Variants in NPHP3 observed in about 807,000 individuals in gnomAD.
The protein encoded by NPHP3 is nephrocystin-3.
Under a neutral mutation model 171.9 loss-of-function variants are expected in NPHP3, and 123 were observed. The observed-to-expected ratio is 0.72, with a 90% CI of 0.62 to 0.83. The LOEUF is 0.83. Among genes scored for constraint, NPHP3 ranks in the 40% least tolerant of loss-of-function variants. The pLI, the probability that NPHP3 is intolerant of heterozygous loss-of-function variation, is 0.00. For synonymous variants in NPHP3, 558 were observed against 579.2 expected, an observed-to-expected ratio of 0.96 and a Z score of 0.52; for missense variants, 1,506 against 1,591.9, an observed-to-expected ratio of 0.95 and a Z score of 0.92.
chr3:132,684,398 A>C (rs566426512), intron 24 of NPHP3, among the ~76,000 whole-genome samples, 156 bp downstream of exon 24: 1 of 152,344 alleles, frequency 6.6e-6, no homozygotes, highest in East Asian at 1.9e-4. Flanking sequence ...AATTATTTTT[A>C]AATGTTCTGC....
intron 22 of NPHP3, among the ~76,000 whole-genome samples, chr3:132,686,934 C>A (rs1251942926): frequency 1.3e-5 from 2 of 152,082 alleles, no homozygotes; most frequent in Non-Finnish European, 2.9e-5. Flanking sequence ...CAAAATCTAA[C>A]CTTCAAATGA....
At chr3:132,713,064 G>T in intron 6 of NPHP3, 62 bp downstream of exon 6, 3 of 838,990 alleles carry the variant, frequency 3.6e-6, no homozygotes, top group Non-Finnish European at 5.4e-6. Context: ...AAGCTTATTT[G>T]GCAAACTCAA....
Position 132,697,268 on chromosome 3 carries a change from T to C in NPHP3, c.2080A>G (p.Lys694Glu), listed in dbSNP as rs374742856. The C allele has an allele frequency of 3.9e-5, 63 of 1,599,424 alleles. No individual in the cohort carries two copies. Among genetic ancestry groups the C allele is most frequent in the Non-Finnish European group, 5.0e-5 (58 of 1,167,966 alleles). Residue 694 changes from lysine to glutamate, a missense_variant, in exon 14 of 27, where the codon AAA (lysine) becomes GAA (glutamate). Lys to Glu is a moderately conservative substitution (Grantham distance 56). Around this residue, in one of 3 missense-constraint regions of NPHP3, gnomAD observed 930 missense variants for 924.9 expected, o/e 1.01. Transcript: ENST00000337331. ...ECHSVDIKLS[K>E]EQEKKLERHC... ...AAATGAAAAATACACACCTGCTCTT[T>C]ACTCAATTTAATGTCTACAGAGTGG...
At chr3:132,708,731 CAGG>C (rs1298754322) in intron 6 of NPHP3, among the ~76,000 whole-genome samples, 2 of 152,148 alleles carry the variant, frequency 1.3e-5, no homozygotes, top group East Asian at 3.8e-4. Flanking sequence ...ACTGCTTTTC[CAGG>C]AGTTCTTTTT....
At chr3:132,689,860 A>T (rs1368991470) in intron 19 of NPHP3, among the ~76,000 whole-genome samples, 3 of 152,200 alleles carry the variant, frequency 2.0e-5, no homozygotes, top group East Asian at 1.9e-4. Flanking sequence ...ATTGGAATGG[A>T]GATCAGAAAT....
chr3:132,689,173 C>G lies in NPHP3; in HGVS notation c.2784G>C (p.Gln928His). 1 of 1,614,142 alleles carries G rather than the reference C, an allele frequency of 6.2e-7. No individual in the cohort carries two copies. Among genetic ancestry groups the G allele is most frequent in the Non-Finnish European group, 8.5e-7 (1 of 1,179,976 alleles). Residue 928 changes from glutamine to histidine, a missense_variant, in exon 20 of 27, where the codon CAG (glutamine) becomes CAC (histidine). Around this residue, in one of 3 missense-constraint regions of NPHP3, gnomAD observed 569 missense variants for 648.1 expected, o/e 0.88. Transcript: ENST00000337331. ...CCTCGCCTTCGCAGTTTTTCTCATA[C>G]TGCTTCAATGAATCGAAGTATTCTG... is the stretch of plus-strand genomic sequence containing the variant. ...MATEYFDSLKQYEKNCEGEDN... is the reference protein window; with the variant it reads ...MATEYFDSLKHYEKNCEGEDN...
intron 9 of NPHP3, among the ~76,000 whole-genome samples, chr3:132,702,796 T>C (rs577143885): frequency 2.0e-5 from 3 of 152,350 alleles, no homozygotes; most frequent in South Asian, 2.1e-4. Context: ...ATAGAAATGA[T>C]ACTTCTGAAG....
intron 5 of NPHP3, among the ~76,000 whole-genome samples, chr3:132,713,630 G>A (rs769428864): frequency 6.6e-6 from 1 of 152,002 alleles, no homozygotes; most frequent in Non-Finnish European, 1.5e-5. Context: ...GTCATAAAGA[G>A]TGCAAAATAT....
chr3:132,685,644 C>A (rs1019655757), intron 23 of NPHP3: 1 of 152,310 alleles, frequency 6.6e-6, no homozygotes, highest in African/African-American at 2.4e-5. Context: ...ACATTATTTA[C>A]CATTAGTCCC....
chr3:132,717,752 C>CTTTTTTTTTTTT (rs959757847), intron 3 of NPHP3, among the ~76,000 whole-genome samples: 25 of 81,258 alleles, frequency 3.1e-4, no homozygotes, highest in South Asian at 5.1e-4. Flanking sequence ...CATTAAGAAT[C>CTTTTTTTTTTTT]TTTTTTTTTT....
chr3:132,712,936 T>C (rs1939953535), intron 6 of NPHP3, among the ~76,000 whole-genome samples, 190 bp downstream of exon 6: 1 of 152,168 alleles, frequency 6.6e-6, no homozygotes, highest in African/African-American at 2.4e-5. Context: ...ATATGACCTA[T>C]GAAACAAGTC....
chr3:132,699,289 A>G lies in NPHP3; in HGVS notation c.1985+64T>C, dbSNP rs1387960820. 5.2e-6 allele frequency: 6 copies of G among 1,161,042 alleles called. No homozygotes were observed. In the Admixed American group the frequency reaches 1.1e-4, roughly 21 times the overall value. The allele number at this position is 1,161,042 out of a possible 1,614,324, so 71.9% of individuals were successfully genotyped here. The stretch of plus-strand genomic sequence containing the variant: ...TGAAAACCATAAATGCATATTAAAA[A>G]TCTTTCCTTGTTTGTACTTAAAACA... On this transcript the variant is annotated intron_variant, in intron 13 of 26. Transcript: ENST00000337331.
chr3:132,719,149 A>G lies in NPHP3; in HGVS notation c.520-5T>C, dbSNP rs767349745. ...TTCTTTGGTCTCCCTAAAAATCTTT[A>G]AAAAGAATAATTTTAATGTTGAAAG... On this transcript the variant is annotated splice_polypyrimidine_tract_variant and splice_region_variant and intron_variant, in intron 2 of 26. Coordinates refer to ENST00000337331, the MANE Select transcript of NPHP3 (RefSeq NM_153240.5). 3.8e-6 allele frequency: 6 copies of G among 1,595,824 alleles called. No individual in the cohort carries two copies. The African/African-American group carries it at 8.1e-5, about 22-fold the overall frequency.
At chr3:132,719,359 T>G (rs952318838) in intron 2 of NPHP3, among the ~76,000 whole-genome samples, 2 of 152,204 alleles carry the variant, frequency 1.3e-5, no homozygotes, top group African/African-American at 4.8e-5. Context: ...GGTGTGGGTC[T>G]GTCATGTGCA....
intron 2 of NPHP3, 87 bp from the exon 3 acceptor site, chr3:132,719,231 T>C: frequency 9.8e-7 from 1 of 1,018,262 alleles, no homozygotes; most frequent in African/African-American, 1.6e-5. Flanking sequence ...ATTTCATTCA[T>C]AAAACCAATA....
chr3:132,698,594 A>G (rs1202181030), intron 13 of NPHP3, among the ~76,000 whole-genome samples: 2 of 152,004 alleles, frequency 1.3e-5, no homozygotes, highest in East Asian at 3.9e-4. Context: ...TACTTTTTAA[A>G]GAACCATTAA....
Position 132,691,234 on chromosome 3 carries a change from G to A in NPHP3, c.2528C>T (p.Ser843Leu). 2 of 1,613,442 alleles carry A rather than the reference G, an allele frequency of 1.2e-6. No individual in the cohort carries two copies. Among genetic ancestry groups the A allele is most frequent in the Non-Finnish European group, 1.7e-6 (2 of 1,179,526 alleles). ...ATAGTTGATTAGCTTTTGCCTGTAT[G>A]AAGAAGTAACAGTGGGGCCTTCCAG... ...EYLEGPTVTS[S>L]YRQKLINYFT... is the part of the protein sequence containing the mutation. Residue 843 changes from serine (S) to leucine (L), a missense_variant, in exon 18 of 27, where the codon TCA (serine) becomes TTA (leucine). By Grantham distance (145) the Ser-to-Leu change is moderately radical. This residue lies in a region of NPHP3 where 569 missense variants were observed against 648.1 expected (regional missense o/e 0.88). Transcript: ENST00000337331.
intron 6 of NPHP3, among the ~76,000 whole-genome samples, chr3:132,710,793 A>T (rs1164147836): frequency 6.6e-6 from 1 of 152,206 alleles, no homozygotes; most frequent in South Asian, 2.1e-4. Context: ...AAAGCAGTGC[A>T]GGAGCCTGGC....
rs1007232412 is a variant in NPHP3, at chr3:132,681,161, T to G, written c.*749A>C. 2.6e-5 allele frequency: 4 copies of G among 152,166 alleles called. No individual in the cohort carries two copies. The highest frequency in any genetic ancestry group is 4.8e-5 in the African/African-American group (2 of 41,426). 9.4% of individuals were successfully genotyped at this position (152,166 alleles called of 1,614,324 possible). A position where few individuals can be genotyped will look rare whatever the true frequency, so the allele number is the denominator to read the frequency against. ...ATTAACCCTTTAATCCTTGAAACTT[T>G]CCTTTGAGGTAGAGAATTGGGCCAG... On this transcript the variant is annotated 3_prime_UTR_variant, in exon 27 of 27. Transcript: ENST00000337331.
Sources: allele counts gnomAD v4.1 joint callset (sites outside exome capture counted in the v4.1 genomes callset), GRCh38; gene constraint gnomAD v4.1.1; regional missense constraint gnomAD v4.1.1; transcripts MANE v1.5; gene names NCBI Gene and HGNC (gene_info 2026-07-23, HGNC 2026-07-21).